BMPR1A: variants seen among roughly 807,000 people sequenced by gnomAD.
The protein encoded by BMPR1A is bone morphogenetic protein receptor type 1A.
BMPR1A carries 7 observed loss-of-function variants against 66.0 expected under a neutral mutation model. The observed-to-expected ratio is 0.11, with a 90% confidence interval of 0.06 to 0.20. The LOEUF is 0.20. Among genes scored for constraint, BMPR1A ranks in the 10% least tolerant of loss-of-function variants. The pLI is 1.00. For synonymous variants in BMPR1A, 200 were observed against 229.7 expected (o/e 0.87, Z 1.17); for missense variants, 408 against 669.1 (o/e 0.61, Z 4.31).
At chr10:86,790,390 T>G (rs779251692) in intron 1 of BMPR1A, among the ~76,000 whole-genome samples, 45 of 151,380 alleles carry the variant, frequency 3.0e-4, no homozygotes, top group African/African-American at 1.0e-3. Flanking sequence ...GGAAACAGAT[T>G]AGCAGTTCCT....
At chr10:86,786,313 G>A (rs186559645) in intron 1 of BMPR1A, among the ~76,000 whole-genome samples, 7 of 151,170 alleles carry the variant, frequency 4.6e-5, no homozygotes, top group Non-Finnish European at 8.8e-5. Context: ...TTCCCACCCC[G>A]ACCCCTTTTT....
chr10:86,791,879 G>A (rs1490321450), intron 1 of BMPR1A, among the ~76,000 whole-genome samples: 1 of 144,346 alleles, frequency 6.9e-6, no homozygotes, highest in African/African-American at 2.6e-5. Flanking sequence ...GTGCCACCAT[G>A]CCTGGCTTTT....
intron 2 of BMPR1A, among the ~76,000 whole-genome samples, chr10:86,870,122 C>T (rs916958537): frequency 2.0e-5 from 3 of 152,152 alleles, no homozygotes; most frequent in Non-Finnish European, 4.4e-5. Flanking sequence ...GGGGCCCTCC[C>T]CTCTTTTCAC....
intron 1 of BMPR1A, among the ~76,000 whole-genome samples, chr10:86,770,627 T>C (rs1841242399): frequency 6.6e-6 from 1 of 152,150 alleles, no homozygotes; most frequent in Non-Finnish European, 1.5e-5. Context: ...CCCCTATTCA[T>C]CAGACCACAC....
At chr10:86,932,119 G>A (rs920534684), downstream of BMPR1A, 2 of 152,196 alleles carry the variant, frequency 1.3e-5, no homozygotes, top group Non-Finnish European at 2.9e-5. Context: ...GTGTGTGTGT[G>A]TACAGGAATC....
intron 3 of BMPR1A, among the ~76,000 whole-genome samples, chr10:86,879,882 C>G (rs751028561): frequency 6.6e-6 from 1 of 152,354 alleles, no homozygotes; most frequent in East Asian, 1.9e-4. Context: ...TCAGTATTCA[C>G]TGCTCCATAG....
At chr10:86,897,775 T>A (rs959247650) in intron 5 of BMPR1A, among the ~76,000 whole-genome samples, 1 of 152,140 alleles carries the variant, frequency 6.6e-6, no homozygotes, top group Non-Finnish European at 1.5e-5. Context: ...CCTGGCTGAT[T>A]TAAAAATTTT....
intron 7 of BMPR1A, among the ~76,000 whole-genome samples, chr10:86,911,513 A>G (rs1391104048): frequency 3.3e-5 from 5 of 152,210 alleles, no homozygotes; most frequent in Non-Finnish European, 7.3e-5. Context: ...TTGGGAGGCC[A>G]ACATGGCAGA....
intron 9 of BMPR1A, among the ~76,000 whole-genome samples, 155 bp downstream of exon 9, chr10:86,917,481 C>T (rs1259211306): frequency 1.3e-5 from 2 of 152,148 alleles, no homozygotes; most frequent in East Asian, 1.9e-4. Context: ...AAAACATAGT[C>T]CGGAATGCCA....
chr10:86,899,952 C>G, intron 6 of BMPR1A, 62 bp downstream of exon 6: 1 of 1,609,770 alleles, frequency 6.2e-7, no homozygotes, highest in Non-Finnish European at 8.5e-7. Flanking sequence ...TTTACAGTAA[C>G]CAGGCTACCT....
At chr10:86,886,119 T>A (rs1843064413) in intron 3 of BMPR1A, among the ~76,000 whole-genome samples, 1 of 152,196 alleles carries the variant, frequency 6.6e-6, no homozygotes, top group Admixed American at 6.5e-5. Flanking sequence ...GGCTCGTAGT[T>A]TATTCTTTGT....
At chr10:86,851,601 C>T (rs1449757158) in intron 2 of BMPR1A, among the ~76,000 whole-genome samples, 1 of 152,122 alleles carries the variant, frequency 6.6e-6, no homozygotes, top group Non-Finnish European at 1.5e-5. Context: ...CCTCAAGCAG[C>T]CTAATGAGTT....
intron 1 of BMPR1A, among the ~76,000 whole-genome samples, chr10:86,803,963 G>T (rs573876731): frequency 6.6e-6 from 1 of 152,028 alleles, no homozygotes; most frequent in African/African-American, 2.4e-5. Flanking sequence ...GTAAAGTTTT[G>T]TAGTTTTTCT....
At chr10:86,816,047 T>C (rs774949300) in intron 1 of BMPR1A, among the ~76,000 whole-genome samples, 5 of 152,164 alleles carry the variant, frequency 3.3e-5, no homozygotes, top group Non-Finnish European at 2.9e-5. Context: ...GTTGGACATA[T>C]TACATGAGGC....
At chr10:86,819,542 G>A (rs1272232698) in intron 1 of BMPR1A, among the ~76,000 whole-genome samples, 7 of 152,094 alleles carry the variant, frequency 4.6e-5, no homozygotes, top group African/African-American at 9.7e-5. Context: ...CTCGTGATCC[G>A]CCCACTTCGG....
chr10:86,902,867 GTGTT>G (rs1317173415), intron 7 of BMPR1A, among the ~76,000 whole-genome samples: 1 of 152,170 alleles, frequency 6.6e-6, no homozygotes, highest in Admixed American at 6.6e-5. Flanking sequence ...TGAGAAAACA[GTGTT>G]TGGTGCTCAC....
At chr10:86,847,165 A>G (rs1250912576) in intron 2 of BMPR1A, among the ~76,000 whole-genome samples, 1 of 152,102 alleles carries the variant, frequency 6.6e-6, no homozygotes, top group Non-Finnish European at 1.5e-5. Flanking sequence ...CATTTGGGGT[A>G]CTTTTAGATG....
chr10:86,786,422 C>A (rs191850715), intron 1 of BMPR1A, among the ~76,000 whole-genome samples: 6 of 152,218 alleles, frequency 3.9e-5, no homozygotes, highest in African/African-American at 1.4e-4. Flanking sequence ...ACTGCTCTTG[C>A]GAGGTCAGCT....
At chr10:86,822,107 C>T (rs1487183816) in intron 1 of BMPR1A, among the ~76,000 whole-genome samples, 1 of 152,088 alleles carries the variant, frequency 6.6e-6, no homozygotes, top group Non-Finnish European at 1.5e-5. Flanking sequence ...GGATTACAGA[C>T]CCGAGCCAGC....
Sources: gnomAD v4.1 joint callset for allele counts (sites outside exome capture counted in the v4.1 genomes callset) on GRCh38, gnomAD v4.1.1 for gene constraint, MANE v1.5 for transcripts, NCBI Gene and HGNC (gene_info 2026-07-23, HGNC 2026-07-21) for gene names.